The following SUMF1 variants were observed in gnomAD, a reference collection of about 807,000 sequenced individuals.
SUMF1 encodes sulfatase modifying factor 1, also known as formylglycine-generating enzyme.
SUMF1 carries 48 observed loss-of-function variants against 47.6 expected under a neutral mutation model. That is an observed-to-expected ratio of 1.01 (90% CI 0.80 to 1.28). The LOEUF (loss-of-function observed/expected upper bound fraction) is 1.28, where lower values mean the gene tolerates loss of function less well. Among genes scored for constraint, SUMF1 ranks in the 50% most tolerant of loss-of-function variants. The pLI, the probability that SUMF1 is intolerant of heterozygous loss-of-function variation, is 0.00. For missense variants in SUMF1, 571 were observed against 485.4 expected (o/e 1.18, Z -1.66); for synonymous variants, 230 against 192.1 (o/e 1.20, Z -1.63).
rs536764525 is a variant in SUMF1 at position 4,280,098 on chromosome 3, C to T, written c.1014+96232G>A. On this transcript the variant is annotated intron_variant and NMD_transcript_variant, in intron 8 of 12. Transcript: ENST00000448413. Reference sequence around the variant, plus strand: ...GTAGATTTTAAGTGTTCTTACCACACACAAAAAAGATGTTATGTGAGGTAG... The same window carrying T: ...GTAGATTTTAAGTGTTCTTACCACATACAAAAAAGATGTTATGTGAGGTAG... Among the ~76,000 whole-genome samples, 4 of 152,124 alleles carry T rather than the reference C, an allele frequency of 2.6e-5. No homozygotes were observed. In the South Asian group the frequency reaches 8.3e-4, roughly 32 times the overall value.
chr3:4,123,940 G>C (rs1693600067), intron 8 of SUMF1, among the ~76,000 whole-genome samples: 1 of 152,022 alleles, frequency 6.6e-6, no homozygotes, highest in Non-Finnish European at 1.5e-5. Flanking sequence ...TTATGTCTCT[G>C]GGACATATTT....
At chr3:4,303,503 G>T in intron 8 of SUMF1, 2 of 1,454,766 alleles carry the variant, frequency 1.4e-6, no homozygotes, top group Non-Finnish European at 1.8e-6. Context: ...GTGGCCCCCG[G>T]GGGCCGCGCC....
At chr3:4,345,447 G>A (rs187045129) in intron 8 of SUMF1, among the ~76,000 whole-genome samples, 21 of 152,256 alleles carry the variant, frequency 1.4e-4, no homozygotes, top group African/African-American at 2.9e-4. Flanking sequence ...CTTCAAAAGC[G>A]AAGGAGAAAT....
intron 8 of SUMF1, chr3:4,313,259 T>G (rs1185741173): frequency 6.2e-7 from 1 of 1,613,976 alleles, no homozygotes; most frequent in Non-Finnish European, 8.5e-7. Flanking sequence ...GGTGAGGTTT[T>G]AGGATTCTCT....
At chr3:4,438,299 T>C (rs1184066411) in intron 3 of SUMF1, among the ~76,000 whole-genome samples, 1 of 152,016 alleles carries the variant, frequency 6.6e-6, no homozygotes, top group Non-Finnish European at 1.5e-5. Flanking sequence ...ATGACAAAGA[T>C]TCTCTCCTTG....
intron 8 of SUMF1, among the ~76,000 whole-genome samples, chr3:4,189,345 T>G (rs888441042): frequency 1.3e-5 from 2 of 152,172 alleles, no homozygotes; most frequent in African/African-American, 4.8e-5. Context: ...TTGTCCATTA[T>G]GGCAAAGTTG....
chr3:4,254,487 T>C (rs1259364722), intron 8 of SUMF1, among the ~76,000 whole-genome samples: 1 of 150,558 alleles, frequency 6.6e-6, no homozygotes. Flanking sequence ...CAGGAGCCGA[T>C]GCCATCAACT....
intron 8 of SUMF1, among the ~76,000 whole-genome samples, chr3:4,131,855 C>T (rs759108416): frequency 1.3e-5 from 2 of 152,168 alleles, no homozygotes; most frequent in Non-Finnish European, 2.9e-5. Flanking sequence ...TTTCCCCAGC[C>T]ACCTCTGTCA....
intron 8 of SUMF1, among the ~76,000 whole-genome samples, chr3:4,147,746 C>T (rs1694228668): frequency 6.6e-6 from 1 of 152,138 alleles, no homozygotes; most frequent in African/African-American, 2.4e-5. Context: ...ATAAAAAGAA[C>T]TACCTACCAC....
At chr3:4,218,364 G>A (rs1389569417) in intron 8 of SUMF1, among the ~76,000 whole-genome samples, 2 of 152,132 alleles carry the variant, frequency 1.3e-5, no homozygotes, top group African/African-American at 4.8e-5. Context: ...GGTGGTGGGG[G>A]AAAAGTTAAA....
At chr3:4,179,341 T>C (rs967391613) in intron 8 of SUMF1, among the ~76,000 whole-genome samples, 2 of 152,072 alleles carry the variant, frequency 1.3e-5, no homozygotes, top group African/African-American at 2.4e-5. Flanking sequence ...AACAGAGATA[T>C]AGGCCAATGG....
chr3:4,037,465 G>A (rs542481591), intron 9 of SUMF1, among the ~76,000 whole-genome samples: 2 of 152,256 alleles, frequency 1.3e-5, no homozygotes, highest in Non-Finnish European at 2.9e-5. Context: ...AAGAGATGAA[G>A]GAAAGTTAAT....
At chr3:4,344,772 G>A (rs1397569186) in intron 8 of SUMF1, among the ~76,000 whole-genome samples, 1 of 152,062 alleles carries the variant, frequency 6.6e-6, no homozygotes, top group African/African-American at 2.4e-5. Context: ...ATGCAAAGAA[G>A]CTAAGAACCT....
At chr3:4,428,388 C>CT (rs34406202) in intron 3 of SUMF1, among the ~76,000 whole-genome samples, 34,995 of 151,912 alleles carry the variant, frequency 0.23, 5,014 homozygotes, top group Non-Finnish European at 0.32. Flanking sequence ...GGGTCTTGCT[C>CT]TGTCACCCAG....
chr3:4,099,234 G>C (rs1692976123), intron 8 of SUMF1, among the ~76,000 whole-genome samples: 1 of 152,000 alleles, frequency 6.6e-6, no homozygotes, highest in Non-Finnish European at 1.5e-5. Context: ...CCGTACACCA[G>C]CAAGATATTA....
chr3:4,427,762 C>T (rs1205874269), intron 3 of SUMF1, among the ~76,000 whole-genome samples: 1 of 152,136 alleles, frequency 6.6e-6, no homozygotes, highest in Non-Finnish European at 1.5e-5. Context: ...AATCAGTACA[C>T]TCAAAACATT....
At chr3:4,367,441 C>T (rs1444038710) in intron 8 of SUMF1, among the ~76,000 whole-genome samples, 1 of 152,128 alleles carries the variant, frequency 6.6e-6, no homozygotes, top group East Asian at 1.9e-4. Flanking sequence ...ATGCCATCCC[C>T]ATCAAGCTAC....
chr3:4,400,646 C>T (rs1037041136), intron 7 of SUMF1, among the ~76,000 whole-genome samples: 2 of 152,180 alleles, frequency 1.3e-5, no homozygotes, highest in Non-Finnish European at 2.9e-5. Context: ...CAAGTGCTTG[C>T]TGTGTGGTGG....
intron 8 of SUMF1, among the ~76,000 whole-genome samples, chr3:4,194,453 A>C (rs1272531873): frequency 2.0e-5 from 3 of 152,280 alleles, no homozygotes; most frequent in Admixed American, 1.3e-4. Flanking sequence ...TTTGAAACTC[A>C]AGAAGCCTAC....
Sources: gnomAD v4.1 joint callset for allele counts (sites outside exome capture counted in the v4.1 genomes callset) on GRCh38, gnomAD v4.1.1 for gene constraint, MANE v1.5 for transcripts, NCBI Gene and HGNC (gene_info 2026-07-23, HGNC 2026-07-21) for gene names.